Variants in PTPRD observed in about 807,000 individuals in gnomAD.
PTPRD encodes protein tyrosine phosphatase receptor type D, also known as receptor-type tyrosine-protein phosphatase delta.
Under a neutral mutation model 214.5 loss-of-function variants are expected in PTPRD, and 34 were observed. The ratio of observed to expected loss-of-function variants is 0.16; its 90% confidence interval spans 0.12 to 0.21. The LOEUF (loss-of-function observed/expected upper bound fraction) is 0.21. Among genes scored for constraint, PTPRD ranks in the 10% least tolerant of loss-of-function variants. The pLI is 1.00. For synonymous variants in PTPRD, 1,128 were observed against 845.7 expected (o/e 1.33, Z -5.79); for missense variants, 2,545 against 2,398.7 (o/e 1.06, Z -1.27).
At chr9:9,779,078 CAAAAAAAAAAAAAA>C (rs869120926) in intron 5 of PTPRD, among the ~76,000 whole-genome samples, 1 of 45,456 alleles carries the variant, frequency 2.2e-5, no homozygotes, top group Non-Finnish European at 4.0e-5. Flanking sequence ...ATAAGACTGA[CAAAAAAAAAAAAAA>C]AAAAAAAAAA....
In PTPRD at chr9:8,316,412, C is replaced by CA. The variant is rs543656029; in HGVS notation, c.*1461dup. On this transcript the variant is annotated 3_prime_UTR_variant, in exon 46 of 46. Coordinates refer to ENST00000381196, the MANE Select transcript of PTPRD (RefSeq NM_002839.4). The stretch of plus-strand genomic sequence containing the variant: ...CACTTCCCAGGAATGCTGTATGCCA[C>CA]AAAATGTTTCTGACTGAACAGAGTA... 1.5e-4 allele frequency: 34 copies of CA among 231,224 alleles called. No homozygotes were observed. The highest frequency in any genetic ancestry group is 4.4e-4 in the African/African-American group (20 of 45,304). 14.3% of individuals were successfully genotyped at this position (231,224 alleles called of 1,614,324 possible).
chr9:10,254,770 C>G (rs1328536405), intron 3 of PTPRD, among the ~76,000 whole-genome samples: 2 of 152,116 alleles, frequency 1.3e-5, no homozygotes, highest in Non-Finnish European at 2.9e-5. Flanking sequence ...GTCACAAAGA[C>G]TCAAATGTGG....
chr9:9,396,575 C>T (rs998658079), intron 9 of PTPRD, among the ~76,000 whole-genome samples: 8 of 151,876 alleles, frequency 5.3e-5, no homozygotes, highest in Admixed American at 3.3e-4. Context: ...AATTTTTTTA[C>T]GCCTTCAAAA....
chr9:9,221,094 C>T (rs912099988), intron 9 of PTPRD, among the ~76,000 whole-genome samples: 6 of 152,084 alleles, frequency 3.9e-5, no homozygotes, highest in African/African-American at 1.4e-4. Context: ...CAACCAGGTA[C>T]AACTTTTTTC....
At chr9:9,811,957 C>T (rs563584188) in intron 5 of PTPRD, among the ~76,000 whole-genome samples, 1 of 152,188 alleles carries the variant, frequency 6.6e-6, no homozygotes, top group African/African-American at 2.4e-5. Context: ...GCAAACTTTA[C>T]TGTTATCTTA....
intron 10 of PTPRD, among the ~76,000 whole-genome samples, chr9:9,124,410 C>A (rs1258008573): frequency 6.6e-6 from 1 of 152,064 alleles, no homozygotes; most frequent in Non-Finnish European, 1.5e-5. Flanking sequence ...AAAAATACCA[C>A]CATATAATCA....
At chr9:10,102,327 T>C (rs1397724553) in intron 3 of PTPRD, among the ~76,000 whole-genome samples, 1 of 151,558 alleles carries the variant, frequency 6.6e-6, no homozygotes, top group East Asian at 1.9e-4. Context: ...GAAACATTCC[T>C]CCTGAGTAGA....
chr9:8,655,791 A>G lies in PTPRD; in HGVS notation c.65-18947T>C, dbSNP rs2096897694. Among the ~76,000 whole-genome samples, 8 of 139,870 alleles carry G rather than the reference A, an allele frequency of 5.7e-5. 1 individual carries two copies. The South Asian group carries it at 1.8e-3, about 32-fold the overall frequency. The allele number at this position is 139,870 out of a possible 152,430, so 91.8% of individuals were successfully genotyped here. A position where few individuals can be genotyped will look rare whatever the true frequency, so the allele number is the denominator to read the frequency against. ...CTCCTTCACCCTTTTCTTTTATATT[A>G]CTGTATCTTTGGCAGCACTTGCTTA... On this transcript the variant is annotated intron_variant, in intron 12 of 45. Transcript: ENST00000381196.
chr9:8,507,189 C>G (rs2097559922), intron 22 of PTPRD, 112 bp downstream of exon 22: 2 of 1,211,530 alleles, frequency 1.7e-6, no homozygotes, highest in Non-Finnish European at 1.1e-6. Flanking sequence ...TAAATCTTTT[C>G]CATCAAGGTC....
At chr9:9,800,667 A>G (rs1470886907) in intron 5 of PTPRD, 4 of 152,228 alleles carry the variant, frequency 2.6e-5, no homozygotes, top group Non-Finnish European at 4.4e-5. Flanking sequence ...TAGCTCTGTC[A>G]GCACATGGTA....
intron 7 of PTPRD, among the ~76,000 whole-genome samples, chr9:9,597,694 A>T (rs1308660803): frequency 6.6e-6 from 1 of 152,028 alleles, no homozygotes; most frequent in Non-Finnish European, 1.5e-5. Context: ...AAAGATATGT[A>T]ATTGATGGAG....
At chr9:8,768,424 C>T (rs768542087) in intron 11 of PTPRD, among the ~76,000 whole-genome samples, 31 of 152,038 alleles carry the variant, frequency 2.0e-4, no homozygotes, top group Non-Finnish European at 4.0e-4. Context: ...TGATGGCACA[C>T]ACCTGTAGTC....
intron 10 of PTPRD, among the ~76,000 whole-genome samples, chr9:9,031,626 T>C (rs567576813): frequency 6.6e-6 from 1 of 152,176 alleles, no homozygotes; most frequent in Admixed American, 6.6e-5. Flanking sequence ...AAATACGTGG[T>C]CCATCAGTGA....
chr9:9,400,463 A>G (rs2069878452), intron 8 of PTPRD, among the ~76,000 whole-genome samples: 1 of 151,830 alleles, frequency 6.6e-6, no homozygotes, highest in African/African-American at 2.4e-5. Flanking sequence ...ATACTACAAC[A>G]TATTTTCAAT....
At chr9:9,903,510 C>A (rs911178833) in intron 5 of PTPRD, among the ~76,000 whole-genome samples, 1 of 152,100 alleles carries the variant, frequency 6.6e-6, no homozygotes, top group Non-Finnish European at 1.5e-5. Flanking sequence ...GGGTATTTCT[C>A]ATGAAACAGA....
At chr9:9,071,880 T>G (rs1380460910) in intron 10 of PTPRD, among the ~76,000 whole-genome samples, 2 of 152,118 alleles carry the variant, frequency 1.3e-5, no homozygotes, top group African/African-American at 4.8e-5. Context: ...GTAAGTGGAG[T>G]ATTTCCCCGT....
At chr9:9,833,682 G>C (rs113690076) in intron 5 of PTPRD, among the ~76,000 whole-genome samples, 7 of 89,266 alleles carry the variant, frequency 7.8e-5, no homozygotes, top group South Asian at 6.8e-4. Context: ...ACGCTCCGGA[G>C]AGGGGGGCAG....
At chr9:10,393,204 A>G (rs1443784421) in intron 2 of PTPRD, among the ~76,000 whole-genome samples, 1 of 151,880 alleles carries the variant, frequency 6.6e-6, no homozygotes, top group Non-Finnish European at 1.5e-5. Context: ...TATAGTGTCC[A>G]TAGTAATAAA....
intron 7 of PTPRD, among the ~76,000 whole-genome samples, chr9:9,614,245 C>T (rs1349210034): frequency 1.3e-5 from 2 of 151,930 alleles, no homozygotes; most frequent in Non-Finnish European, 2.9e-5. Context: ...ACCTGATTAC[C>T]AGTGTGATAC....
Sources: allele counts gnomAD v4.1 joint callset (sites outside exome capture counted in the v4.1 genomes callset), GRCh38; gene constraint gnomAD v4.1.1; transcripts MANE v1.5; gene names NCBI Gene and HGNC (gene_info 2026-07-23, HGNC 2026-07-21).